Variants in CRB1 observed in about 807,000 individuals in gnomAD.
CRB1 encodes protein crumbs homolog 1.
In CRB1, 83 loss-of-function variants were observed where a neutral mutation model predicts 120.0. That is an observed-to-expected ratio of 0.69 (90% CI 0.58 to 0.83). The LOEUF (loss-of-function observed/expected upper bound fraction) is 0.83. CRB1 is among the 40% of genes least tolerant of loss of function. The pLI is 0.00. For missense variants in CRB1, 1,699 were observed against 1,687.6 expected (o/e 1.01, Z -0.12); for synonymous variants, 625 against 612.5 (o/e 1.02, Z -0.30).
chr1:197,210,800 G>T, the CRB1 span, among the ~76,000 whole-genome samples: 1 of 152,068 alleles, frequency 6.6e-6, no homozygotes, highest in Non-Finnish European at 1.5e-5. Flanking sequence ...ATAAGAGAGA[G>T]TATAGTCTGC....
chr1:197,291,950 C>T (rs1656207830), intron 1 of CRB1, among the ~76,000 whole-genome samples: 1 of 151,818 alleles, frequency 6.6e-6, no homozygotes, highest in African/African-American at 2.4e-5. Context: ...CACTAAATGC[C>T]CACAAGAGAA....
At chr1:197,321,865 T>C (rs769620485) in intron 1 of CRB1, among the ~76,000 whole-genome samples, 3 of 152,214 alleles carry the variant, frequency 2.0e-5, no homozygotes, top group Non-Finnish European at 4.4e-5. Flanking sequence ...ACAATTTGAA[T>C]ATACATCACA....
intron 1 of CRB1, among the ~76,000 whole-genome samples, chr1:197,312,908 G>T (rs1657624480): frequency 6.6e-6 from 1 of 152,054 alleles, no homozygotes; most frequent in Admixed American, 6.6e-5. Context: ...ATTTTATCCA[G>T]TTAAGTTTTT....
At chr1:197,357,051 G>A (rs1660522516) in intron 5 of CRB1, 38 bp downstream of exon 5, 1 of 1,597,396 alleles carries the variant, frequency 6.3e-7, no homozygotes, top group East Asian at 2.2e-5. Context: ...TGACTTTCTG[G>A]TATTTTATGG....
rs138357187 is a variant in CRB1 at position 197,454,031 on chromosome 1, G to A, written c.4005+11739G>A. 6.8e-4 allele frequency among the ~76,000 whole-genome samples: 100 copies of A among 146,788 alleles called. 1 individual carries two copies. The East Asian group carries it at 0.019, about 27-fold the overall frequency. ...GTAGAGATGAGGTCTCACTCATGTT[G>A]CCGAGGCTGGTCTCAAGCTCCCAGG... On this transcript the variant is annotated intron_variant, in intron 11 of 11. Coordinates refer to ENST00000367400, the MANE Select transcript of CRB1 (RefSeq NM_201253.3).
the CRB1 span, among the ~76,000 whole-genome samples, chr1:197,240,057 A>G: frequency 1.6e-4 from 24 of 151,950 alleles, no homozygotes; most frequent in Admixed American, 2.6e-4. Context: ...TTCACATAGA[A>G]CAATGTCAGT....
chr1:197,338,765 ATAGT>A (rs1447695309), intron 2 of CRB1, among the ~76,000 whole-genome samples: 2 of 152,236 alleles, frequency 1.3e-5, no homozygotes, highest in Non-Finnish European at 2.9e-5. Context: ...ATATAATCAA[ATAGT>A]TAAATAAAAT....
At chr1:197,275,510 A>G (rs890094850) in intron 1 of CRB1, among the ~76,000 whole-genome samples, 9 of 152,036 alleles carry the variant, frequency 5.9e-5, no homozygotes, top group African/African-American at 2.2e-4. Context: ...ATTATGCTAA[A>G]CAATGTGCCC....
chr1:197,330,215 T>C (rs1311687772), intron 2 of CRB1, among the ~76,000 whole-genome samples: 2 of 152,220 alleles, frequency 1.3e-5, no homozygotes, highest in Admixed American at 1.3e-4. Flanking sequence ...TTTTGACATC[T>C]AAGATATGTT....
chr1:197,457,490 T>C (rs1175001948), intron 11 of CRB1, among the ~76,000 whole-genome samples: 1 of 152,148 alleles, frequency 6.6e-6, no homozygotes, highest in Non-Finnish European at 1.5e-5. Context: ...AGCCTTCATT[T>C]GTCTGCCTCA....
chr1:197,290,250 T>C (rs1462542091), intron 1 of CRB1, among the ~76,000 whole-genome samples: 1 of 148,562 alleles, frequency 6.7e-6, no homozygotes, highest in African/African-American at 2.5e-5. Flanking sequence ...AAAATCAGTT[T>C]TTTATGTTCC....
intron 5 of CRB1, among the ~76,000 whole-genome samples, chr1:197,358,372 A>C (rs1660595646): frequency 6.6e-6 from 1 of 152,214 alleles, no homozygotes; most frequent in Non-Finnish European, 1.5e-5. Context: ...TGAAAGTCAA[A>C]GGACATTGCT....
At chr1:197,265,444 CTT>C (rs1654611475), upstream of CRB1, among the ~76,000 whole-genome samples, 1 of 151,792 alleles carries the variant, frequency 6.6e-6, no homozygotes, top group South Asian at 2.1e-4. Flanking sequence ...CCCTCCTCCT[CTT>C]TCTCTCTCTG....
At chr1:197,228,012 G>T in the CRB1 span, among the ~76,000 whole-genome samples, 4 of 152,130 alleles carry the variant, frequency 2.6e-5, no homozygotes, top group African/African-American at 9.7e-5. Flanking sequence ...TTTAGCAATG[G>T]CTGGGACACA....
At chr1:197,385,938 C>T (rs1662193115) in intron 5 of CRB1, among the ~76,000 whole-genome samples, 1 of 152,000 alleles carries the variant, frequency 6.6e-6, no homozygotes, top group South Asian at 2.1e-4. Context: ...GAGTTAGATT[C>T]AATTACCTTG....
At chr1:197,353,979 A>G (rs1194100578) in intron 4 of CRB1, among the ~76,000 whole-genome samples, 1 of 151,212 alleles carries the variant, frequency 6.6e-6, no homozygotes, top group East Asian at 1.9e-4. Context: ...ATCAATATGG[A>G]AAACAACCTA....
At chr1:197,294,734 G>A (rs1243688971) in intron 1 of CRB1, among the ~76,000 whole-genome samples, 2 of 152,014 alleles carry the variant, frequency 1.3e-5, no homozygotes, top group African/African-American at 2.4e-5. Context: ...CCATAAAAAA[G>A]GTTGAATTCA....
chr1:197,204,352 C>T, the CRB1 span, among the ~76,000 whole-genome samples: 1 of 152,220 alleles, frequency 6.6e-6, no homozygotes, highest in Non-Finnish European at 1.5e-5. Flanking sequence ...TAAGGAATCT[C>T]CTCCGCTTTT....
chr1:197,208,894 G>A, the CRB1 span, among the ~76,000 whole-genome samples: 2 of 152,152 alleles, frequency 1.3e-5, no homozygotes, highest in African/African-American at 4.8e-5. Context: ...TCCTTGGTCA[G>A]TGTTTGCTGT....
Sources: gnomAD v4.1 joint callset for allele counts (sites outside exome capture counted in the v4.1 genomes callset) on GRCh38, gnomAD v4.1.1 for gene constraint, MANE v1.5 for transcripts, NCBI Gene and HGNC (gene_info 2026-07-23, HGNC 2026-07-21) for gene names.